CPNE8: variants seen among roughly 807,000 people sequenced by gnomAD.
The protein encoded by CPNE8 is copine 8.
A neutral mutation model predicts 81.5 loss-of-function variants in CPNE8; 45 were observed. The ratio of observed to expected loss-of-function variants is 0.55; its 90% CI spans 0.44 to 0.71. CPNE8 has a LOEUF of 0.71. Among genes scored for constraint, CPNE8 ranks in the 30% least tolerant of loss-of-function variants. The probability of loss-of-function intolerance (pLI) is 0.00; values close to 1 mark genes in which losing one functional copy is unlikely to be tolerated. For synonymous variants in CPNE8, 252 were observed against 226.3 expected (o/e 1.11, Z -1.02); for missense variants, 594 against 672.1 (o/e 0.88, Z 1.28).
intron 10 of CPNE8, among the ~76,000 whole-genome samples, chr12:38,732,010 C>A (rs1227735914): frequency 1.3e-5 from 2 of 151,724 alleles, no homozygotes; most frequent in Non-Finnish European, 2.9e-5. Flanking sequence ...ATAAAAGGTT[C>A]TATTAGAGCA....
At chr12:38,891,710 G>C (rs1353745508) in intron 1 of CPNE8, among the ~76,000 whole-genome samples, 1 of 152,158 alleles carries the variant, frequency 6.6e-6, no homozygotes, top group African/African-American at 2.4e-5. Flanking sequence ...GCCTCCCAAA[G>C]TGCTGGGATT....
At position 38,902,280 on chromosome 12, in the gene CPNE8, A is replaced by G. The variant is rs1386652191; in HGVS notation, c.98+3157T>C. The stretch of plus-strand genomic sequence containing the variant: ...AAAAAGAAAGAAAGAAAAAGAAAAG[A>G]AAGAAGGAAGGAAGGAAAGGAAGGA... On this transcript the variant is annotated intron_variant, in intron 1 of 19. Coordinates refer to ENST00000331366, the MANE Select transcript of CPNE8 (RefSeq NM_153634.3). Among the ~76,000 whole-genome samples the G allele has an allele frequency of 8.9e-4, 128 of 144,330 alleles. 26 individuals are homozygous for G. The highest frequency in any genetic ancestry group is 3.3e-3 in the African/African-American group (123 of 37,696). The allele number at this position is 144,330 out of a possible 152,430, so 94.7% of individuals were successfully genotyped here. A position where few individuals can be genotyped will look rare whatever the true frequency, so the allele number is the denominator to read the frequency against.
At chr12:38,792,447 AC>A (rs1565617905) in intron 6 of CPNE8, among the ~76,000 whole-genome samples, 1 of 151,664 alleles carries the variant, frequency 6.6e-6, no homozygotes. Flanking sequence ...AATATTATGA[AC>A]AACTGCAGGC....
intron 6 of CPNE8, among the ~76,000 whole-genome samples, chr12:38,799,196 G>A (rs917444938): frequency 6.6e-6 from 1 of 152,054 alleles, no homozygotes; most frequent in African/African-American, 2.4e-5. Flanking sequence ...GCACCAAGGG[G>A]ACCTAATAGA....
intron 6 of CPNE8, among the ~76,000 whole-genome samples, chr12:38,785,835 T>C (rs764052976): frequency 3.3e-4 from 50 of 152,210 alleles, no homozygotes; most frequent in Admixed American, 5.9e-4. Context: ...TGTTAAGTTG[T>C]TAAAAGGCTG....
At chr12:38,878,850 A>T (rs1565659498) in intron 1 of CPNE8, among the ~76,000 whole-genome samples, 1 of 152,188 alleles carries the variant, frequency 6.6e-6, no homozygotes, top group Non-Finnish European at 1.5e-5. Context: ...ATCTGCATTA[A>T]AGGTTTATTT....
intron 16 of CPNE8, among the ~76,000 whole-genome samples, chr12:38,677,963 A>G (rs1939329434): frequency 6.6e-6 from 1 of 152,122 alleles, no homozygotes; most frequent in Non-Finnish European, 1.5e-5. Context: ...TAACACTTAC[A>G]TCTTTATACT....
chr12:38,899,841 A>C (rs1944434505), intron 1 of CPNE8, among the ~76,000 whole-genome samples: 1 of 152,176 alleles, frequency 6.6e-6, no homozygotes, highest in African/African-American at 2.4e-5. Flanking sequence ...CCATGGTGTA[A>C]ATATTCCCAC....
chr12:38,772,553 C>T (rs1046354171), intron 7 of CPNE8, among the ~76,000 whole-genome samples: 1 of 152,032 alleles, frequency 6.6e-6, no homozygotes, highest in Non-Finnish European at 1.5e-5. Flanking sequence ...AATGCAAATC[C>T]ATACAAAAGA....
chr12:38,790,019 T>C (rs763959656), intron 6 of CPNE8, among the ~76,000 whole-genome samples: 4 of 151,750 alleles, frequency 2.6e-5, no homozygotes, highest in Non-Finnish European at 4.4e-5. Context: ...GTACAATCAC[T>C]ACGGAGAACA....
intron 6 of CPNE8, among the ~76,000 whole-genome samples, chr12:38,819,030 T>G (rs2137002814): frequency 6.6e-6 from 1 of 152,354 alleles, no homozygotes; most frequent in Non-Finnish European, 1.5e-5. Context: ...ATTCTGGATT[T>G]CAGATCTTTG....
In CPNE8 at chr12:38,723,826, A is replaced by C; in HGVS notation, c.860T>G (p.Leu287Ter). 1 of 1,574,930 alleles carries C rather than the reference A, an allele frequency of 6.3e-7. No homozygotes were observed. The highest frequency in any genetic ancestry group is 8.7e-7 in the Non-Finnish European group (1 of 1,146,522). Residue 287 changes from leucine to a stop codon, truncating the protein, a stop_gained, in exon 13 of 20, where the codon TTA (leucine) becomes TGA (stop). Coordinates refer to ENST00000331366, the MANE Select transcript of CPNE8 (RefSeq NM_153634.3). LOFTEE classifies it high-confidence loss of function. ...TTCTGTTTCTACCAAGAAAGAGAGT[A>C]AAGTTACCTGAAAAAGAAAAAGACA... is the stretch of plus-strand genomic sequence containing the variant. ...KKYTNSGTVT[L>*]LSFLVETEVS...
intron 11 of CPNE8, among the ~76,000 whole-genome samples, chr12:38,729,588 G>A (rs1249261636): frequency 6.6e-6 from 1 of 151,986 alleles, no homozygotes; most frequent in Non-Finnish European, 1.5e-5. Context: ...CTACTTAACA[G>A]AGGCCAATTT....
At chr12:38,883,640 GAGCTATGC>G (rs1388518505) in intron 1 of CPNE8, among the ~76,000 whole-genome samples, 1 of 152,142 alleles carries the variant, frequency 6.6e-6, no homozygotes, top group Non-Finnish European at 1.5e-5. Flanking sequence ...TGAAGTATGT[GAGCTATGC>G]AGCTCTCACT....
At chr12:38,722,453 G>T (rs893487831) in intron 13 of CPNE8, among the ~76,000 whole-genome samples, 2 of 151,984 alleles carry the variant, frequency 1.3e-5, no homozygotes, top group Admixed American at 6.6e-5. Flanking sequence ...AAGCTCTCTG[G>T]GTTTTGTGAA....
intron 16 of CPNE8, among the ~76,000 whole-genome samples, chr12:38,682,450 T>C (rs1939431678): frequency 6.6e-6 from 1 of 151,708 alleles, no homozygotes; most frequent in South Asian, 2.1e-4. Context: ...CCCAGCTACT[T>C]GGGAGGCTGA....
intron 13 of CPNE8, among the ~76,000 whole-genome samples, chr12:38,720,024 C>T (rs937096675): frequency 6.6e-6 from 1 of 152,034 alleles, no homozygotes; most frequent in Non-Finnish European, 1.5e-5. Context: ...GTCTTGCTGT[C>T]GCCCAGGCTG....
intron 13 of CPNE8, among the ~76,000 whole-genome samples, chr12:38,716,280 A>C (rs1373025378): frequency 2.0e-5 from 3 of 152,126 alleles, no homozygotes; most frequent in Admixed American, 6.5e-5. Context: ...TATTCTTGAC[A>C]GAATGAGTAA....
At chr12:38,739,977 A>G (rs1941054061) in intron 10 of CPNE8, among the ~76,000 whole-genome samples, 1 of 152,196 alleles carries the variant, frequency 6.6e-6, no homozygotes, top group Admixed American at 6.5e-5. Context: ...TAGGAAACAT[A>G]ACACCAGGGA....
Sources: allele counts gnomAD v4.1 joint callset (sites outside exome capture counted in the v4.1 genomes callset), GRCh38; gene constraint gnomAD v4.1.1; transcripts MANE v1.5; gene names NCBI Gene and HGNC (gene_info 2026-07-23, HGNC 2026-07-21).